Variants in MGAT4C observed in about 807,000 individuals in gnomAD.
MGAT4C encodes the protein alpha-1,3-mannosyl-glycoprotein 4-beta-N-acetylglucosaminyltransferase C.
MGAT4C carries 19 observed loss-of-function variants against 40.1 expected under a neutral mutation model. The ratio of observed to expected loss-of-function variants is 0.47; its 90% confidence interval spans 0.33 to 0.70. The LOEUF (loss-of-function observed/expected upper bound fraction) is 0.70, where lower values mean the gene tolerates loss of function less well. Among genes scored for constraint, MGAT4C ranks in the 30% least tolerant of loss-of-function variants. The probability of loss-of-function intolerance (pLI) is 0.02; values close to 1 mark genes in which losing one functional copy is unlikely to be tolerated. For missense variants in MGAT4C, 491 were observed against 563.2 expected (o/e 0.87, Z 1.30); for synonymous variants, 181 against 187.1 (o/e 0.97, Z 0.27).
chr12:86,684,218 T>A (rs1950032106), intron 2 of MGAT4C, among the ~76,000 whole-genome samples: 1 of 152,128 alleles, frequency 6.6e-6, no homozygotes, highest in African/African-American at 2.4e-5. Flanking sequence ...ATGTGTGATG[T>A]TCCCCTCCCT....
chr12:86,254,266 G>C (rs1952425010), intron 1 of MGAT4C, among the ~76,000 whole-genome samples: 1 of 152,006 alleles, frequency 6.6e-6, no homozygotes, highest in African/African-American at 2.4e-5. Context: ...CCATTAGCTA[G>C]GTAGCTCATA....
At chr12:86,029,019 T>C (rs1338892243) in intron 2 of MGAT4C, among the ~76,000 whole-genome samples, 1 of 151,944 alleles carries the variant, frequency 6.6e-6, no homozygotes, top group Non-Finnish European at 1.5e-5. Flanking sequence ...GTCTTTTGAC[T>C]GACATTTATA....
At chr12:86,229,575 T>G (rs1211215851) in intron 1 of MGAT4C, among the ~76,000 whole-genome samples, 2 of 152,032 alleles carry the variant, frequency 1.3e-5, no homozygotes, top group Non-Finnish European at 2.9e-5. Context: ...TCATTCAGTA[T>G]AAGCCATGCC....
At chr12:86,232,981 G>C (rs2136020058) in intron 1 of MGAT4C, among the ~76,000 whole-genome samples, 1 of 152,240 alleles carries the variant, frequency 6.6e-6, no homozygotes, top group South Asian at 2.1e-4. Context: ...AACATTATAG[G>C]TAAAATTTTA....
intron 3 of MGAT4C, among the ~76,000 whole-genome samples, chr12:86,347,447 A>C (rs894186089): frequency 2.6e-5 from 4 of 152,182 alleles, no homozygotes; most frequent in African/African-American, 9.7e-5. Context: ...AGTATAAAAA[A>C]ATACTGATTC....
At chr12:86,551,640 C>A (rs1229426768) in intron 2 of MGAT4C, among the ~76,000 whole-genome samples, 1 of 152,188 alleles carries the variant, frequency 6.6e-6, no homozygotes. Flanking sequence ...GCTGTGCCCC[C>A]ACCCAGAGTA....
chr12:86,746,128 A>G (rs565223927), intron 1 of MGAT4C, among the ~76,000 whole-genome samples: 1 of 151,800 alleles, frequency 6.6e-6, no homozygotes, highest in Admixed American at 6.6e-5. Flanking sequence ...TGCTGGCTAA[A>G]TCTCTCTTGC....
intron 2 of MGAT4C, among the ~76,000 whole-genome samples, chr12:86,597,004 G>C (rs889129932): frequency 2.0e-5 from 3 of 152,168 alleles, no homozygotes; most frequent in African/African-American, 7.2e-5. Flanking sequence ...GATATCATAA[G>C]ATGGACAGAA....
At chr12:86,092,107 C>A (rs1367450553) in intron 1 of MGAT4C, among the ~76,000 whole-genome samples, 2 of 152,108 alleles carry the variant, frequency 1.3e-5, no homozygotes, top group East Asian at 3.8e-4. Context: ...ACAAAAATGT[C>A]AAGTGACCTT....
intron 2 of MGAT4C, chr12:86,002,295 T>G (rs1363525647): frequency 6.6e-6 from 1 of 152,190 alleles, no homozygotes; most frequent in Admixed American, 6.5e-5. Flanking sequence ...GACATCCAGA[T>G]AGGTGCTTGA....
chr12:86,781,309 TCATCAA>T (rs1234345071), intron 1 of MGAT4C, among the ~76,000 whole-genome samples: 2 of 152,092 alleles, frequency 1.3e-5, no homozygotes, highest in Admixed American at 6.6e-5. Context: ...CTCCTCATCC[TCATCAA>T]CAACTTTTTT....
At chr12:86,240,262 A>G (rs535674053) in intron 1 of MGAT4C, among the ~76,000 whole-genome samples, 1 of 151,636 alleles carries the variant, frequency 6.6e-6, no homozygotes, top group South Asian at 2.1e-4. Context: ...TACACAGTGA[A>G]AAGCAGGTAT....
chr12:86,337,800 A>C (rs955357729), intron 3 of MGAT4C, among the ~76,000 whole-genome samples: 3 of 152,140 alleles, frequency 2.0e-5, no homozygotes, highest in Non-Finnish European at 4.4e-5. Context: ...CTGTTATCTG[A>C]ATGTAATTAT....
intron 2 of MGAT4C, among the ~76,000 whole-genome samples, chr12:86,715,026 C>A (rs892990072): frequency 6.6e-6 from 1 of 151,978 alleles, no homozygotes; most frequent in Non-Finnish European, 1.5e-5. Context: ...GATAATTTCA[C>A]CATGTCACAT....
chr12:86,106,369 C>T (rs547777027), intron 1 of MGAT4C, among the ~76,000 whole-genome samples: 276 of 152,204 alleles, frequency 1.8e-3, no homozygotes, highest in Non-Finnish European at 3.4e-3. Context: ...GGCACAATCC[C>T]GGCTCACTGC....
At chr12:86,356,820 C>A (rs1239922328) in intron 3 of MGAT4C, among the ~76,000 whole-genome samples, 1 of 152,202 alleles carries the variant, frequency 6.6e-6, no homozygotes, top group Admixed American at 6.5e-5. Flanking sequence ...ACAAAGTGGC[C>A]AGGAAGCTCG....
chr12:86,091,057 C>A (rs1872785654), intron 1 of MGAT4C, among the ~76,000 whole-genome samples: 1 of 151,706 alleles, frequency 6.6e-6, no homozygotes, highest in Non-Finnish European at 1.5e-5. Context: ...AATGAGAAAA[C>A]AATAAAAATG....
intron 2 of MGAT4C, among the ~76,000 whole-genome samples, chr12:86,518,331 C>G (rs368340605): frequency 6.6e-6 from 1 of 152,082 alleles, no homozygotes; most frequent in Non-Finnish European, 1.5e-5. Flanking sequence ...ACAAAATATA[C>G]ATATATAACT....
chr12:86,662,014 T>A (rs1464829322), intron 2 of MGAT4C, among the ~76,000 whole-genome samples: 2 of 152,186 alleles, frequency 1.3e-5, no homozygotes, highest in African/African-American at 4.8e-5. Context: ...TAGTTTCTAA[T>A]GTGCAGTCCA....
Sources: allele counts gnomAD v4.1 joint callset (sites outside exome capture counted in the v4.1 genomes callset), GRCh38; gene constraint gnomAD v4.1.1; transcripts MANE v1.5; gene names NCBI Gene and HGNC (gene_info 2026-07-23, HGNC 2026-07-21).